The following GPHN variants were observed in gnomAD, a reference collection of about 807,000 sequenced individuals.
The protein encoded by GPHN is gephyrin.
In GPHN, 17 loss-of-function variants were observed where a neutral mutation model predicts 95.5. The observed-to-expected ratio is 0.18, with a 90% CI of 0.12 to 0.27. GPHN has a LOEUF of 0.27. Among genes scored for constraint, GPHN ranks in the 10% least tolerant of loss-of-function variants. The probability of loss-of-function intolerance (pLI) is 1.00; values close to 1 mark genes in which losing one functional copy is unlikely to be tolerated. For synonymous variants in GPHN, 320 were observed against 322.5 expected (o/e 0.99, Z 0.08); for missense variants, 660 against 978.1 (o/e 0.67, Z 4.34).
the GPHN span, among the ~76,000 whole-genome samples, chr14:67,554,988 C>T: frequency 6.6e-6 from 1 of 152,208 alleles, no homozygotes; most frequent in Non-Finnish European, 1.5e-5. Context: ...TCTCAGCTCA[C>T]TACAGCTTCA....
intron 3 of GPHN, among the ~76,000 whole-genome samples, chr14:66,797,642 A>G (rs1206379544): frequency 1.3e-5 from 2 of 151,914 alleles, no homozygotes; most frequent in African/African-American, 4.8e-5. Flanking sequence ...CACTGTTGGC[A>G]GATAAAAATG....
At chr14:67,633,805 A>T in the GPHN span, among the ~76,000 whole-genome samples, 8 of 152,332 alleles carry the variant, frequency 5.3e-5, no homozygotes, top group South Asian at 1.7e-3. Context: ...TATAGGGCTG[A>T]AGGCATTCTC....
chr14:66,560,718 T>C (rs1353919920), intron 1 of GPHN, among the ~76,000 whole-genome samples: 1 of 152,158 alleles, frequency 6.6e-6, no homozygotes, highest in Non-Finnish European at 1.5e-5. Context: ...CTTTTCCTAA[T>C]TGAATACCCT....
At chr14:67,412,063 G>A in the GPHN span, 1 of 1,546,778 alleles carries the variant, frequency 6.5e-7, no homozygotes, top group Non-Finnish European at 8.7e-7. Flanking sequence ...CCTCCATGTC[G>A]CCGCCCGCAC....
the GPHN span, among the ~76,000 whole-genome samples, chr14:67,362,531 C>CTA: frequency 6.6e-6 from 1 of 152,066 alleles, no homozygotes; most frequent in African/African-American, 2.4e-5. Context: ...AGATGAGAAA[C>CTA]TACAGTTCAA....
At chr14:67,289,165 G>T in the GPHN span, among the ~76,000 whole-genome samples, 1 of 151,364 alleles carries the variant, frequency 6.6e-6, no homozygotes, top group African/African-American at 2.4e-5. Flanking sequence ...CTGGAGTTTT[G>T]CCATGTTGGC....
intron 9 of GPHN, among the ~76,000 whole-genome samples, chr14:67,004,609 TCAC>T (rs2072474663): frequency 6.6e-6 from 1 of 151,698 alleles, no homozygotes; most frequent in Non-Finnish European, 1.5e-5. Context: ...TGTAGGAAAA[TCAC>T]CATTCTTGAG....
the GPHN span, chr14:67,541,893 C>A: frequency 6.2e-7 from 1 of 1,602,444 alleles, no homozygotes. Context: ...GTGGAGGCGC[C>A]GGCCAGCGTA....
chr14:67,103,022 C>A (rs1469439077), intron 13 of GPHN, among the ~76,000 whole-genome samples: 1 of 151,980 alleles, frequency 6.6e-6, no homozygotes, highest in Non-Finnish European at 1.5e-5. Flanking sequence ...AATGACTTGT[C>A]TTGTTTGTTT....
At chr14:66,946,163 T>G (rs563702964) in intron 8 of GPHN, among the ~76,000 whole-genome samples, 1 of 152,332 alleles carries the variant, frequency 6.6e-6, no homozygotes, top group East Asian at 1.9e-4. Context: ...ATGAAATATT[T>G]TTTTTAAAAG....
At chr14:67,101,988 C>G (rs576978214) in intron 13 of GPHN, among the ~76,000 whole-genome samples, 412 of 152,196 alleles carry the variant, frequency 2.7e-3, no homozygotes, top group African/African-American at 9.4e-3. Flanking sequence ...TCTCCTGCCT[C>G]AGCCTCCCCA....
At chr14:66,517,764 A>C (rs1032788454) in intron 1 of GPHN, among the ~76,000 whole-genome samples, 3 of 138,194 alleles carry the variant, frequency 2.2e-5, no homozygotes, top group African/African-American at 9.6e-5. Context: ...CTAGAGCCCC[A>C]CCTCTTATTC....
At chr14:67,395,276 G>A in the GPHN span, 1 of 767,112 alleles carries the variant, frequency 1.3e-6, no homozygotes, top group Non-Finnish European at 2.1e-6. Flanking sequence ...TGAAGGCCCT[G>A]AAGCACCGTG....
chr14:67,349,502 T>C, the GPHN span, among the ~76,000 whole-genome samples: 1 of 152,208 alleles, frequency 6.6e-6, no homozygotes, highest in African/African-American at 2.4e-5. Flanking sequence ...GGAAACTATG[T>C]TCCATCTGGC....
chr14:67,311,131 C>T, the GPHN span, among the ~76,000 whole-genome samples: 4 of 151,848 alleles, frequency 2.6e-5, no homozygotes, highest in Middle Eastern at 3.2e-3. Flanking sequence ...GGCCAACTGG[C>T]GAAATCCTGT....
At chr14:67,215,480 T>C in the GPHN span, among the ~76,000 whole-genome samples, 2 of 150,854 alleles carry the variant, frequency 1.3e-5, no homozygotes, top group Admixed American at 1.3e-4. Context: ...CTTGTAAGTC[T>C]GATGTGTTAG....
At chr14:67,654,872 A>G in the GPHN span, among the ~76,000 whole-genome samples, 3 of 151,846 alleles carry the variant, frequency 2.0e-5, no homozygotes, top group Non-Finnish European at 2.9e-5. Flanking sequence ...TACTAAAAAT[A>G]CGAAAAATTA....
chr14:67,213,426 G>T, the GPHN span, among the ~76,000 whole-genome samples: 2 of 142,680 alleles, frequency 1.4e-5, no homozygotes, highest in Non-Finnish European at 3.0e-5. Context: ...TTGGTTTTTT[G>T]TTCTTGCGAT....
chr14:67,070,694 CAAAAAAAA>C (rs34577444), intron 11 of GPHN, among the ~76,000 whole-genome samples: 2 of 64,450 alleles, frequency 3.1e-5, no homozygotes, highest in East Asian at 7.3e-4. Flanking sequence ...GACTTCATCT[CAAAAAAAA>C]AAAAAAAAAA....
Sources: allele counts gnomAD v4.1 joint callset (sites outside exome capture counted in the v4.1 genomes callset), GRCh38; gene constraint gnomAD v4.1.1; transcripts MANE v1.5; gene names NCBI Gene and HGNC (gene_info 2026-07-23, HGNC 2026-07-21).